The following TTBK2 variants were observed in gnomAD, a reference collection of about 807,000 sequenced individuals.
TTBK2 encodes the protein tau-tubulin kinase 2.
Under a neutral mutation model 110.8 loss-of-function variants are expected in TTBK2, and 28 were observed. The ratio of observed to expected loss-of-function variants is 0.25; its 90% CI spans 0.19 to 0.35. TTBK2 has a LOEUF of 0.35. TTBK2 is among the 10% of genes least tolerant of loss of function. TTBK2 has a pLI of 1.00. For missense variants in TTBK2, 1,369 were observed against 1,500.3 expected (o/e 0.91, Z 1.45); for synonymous variants, 532 against 527.3 (o/e 1.01, Z -0.12).
chr15:42,770,321 A>G (rs990572182), intron 13 of TTBK2, among the ~76,000 whole-genome samples: 4 of 152,180 alleles, frequency 2.6e-5, no homozygotes, highest in African/African-American at 4.8e-5. Flanking sequence ...CACAGCACCT[A>G]TAACACTTAA....
chr15:42,914,338 T>C (rs1019511684), intron 1 of TTBK2, among the ~76,000 whole-genome samples: 1 of 152,100 alleles, frequency 6.6e-6, no homozygotes, highest in Non-Finnish European at 1.5e-5. Context: ...TATATCCTAA[T>C]ATATTATATC....
chr15:42,767,975 C>T (rs1359413656), intron 13 of TTBK2, among the ~76,000 whole-genome samples: 2 of 152,176 alleles, frequency 1.3e-5, no homozygotes, highest in African/African-American at 4.8e-5. Flanking sequence ...AATTAATAAA[C>T]ATAATTCATC....
chr15:42,810,885 C>G (rs979699758), intron 8 of TTBK2, 146 bp from the exon 9 acceptor site: 1 of 899,698 alleles, frequency 1.1e-6, no homozygotes, highest in Non-Finnish European at 1.7e-6. Context: ...CTCTTACTAA[C>G]AGCTTAATGT....
chr15:42,835,314 C>G (rs1892944001), intron 4 of TTBK2, among the ~76,000 whole-genome samples: 1 of 152,118 alleles, frequency 6.6e-6, no homozygotes, highest in Admixed American at 6.5e-5. Flanking sequence ...TGATGTGATT[C>G]AAGAGGAAGC....
At chr15:42,787,170 C>G (rs1249064002) in intron 10 of TTBK2, among the ~76,000 whole-genome samples, 1 of 152,112 alleles carries the variant, frequency 6.6e-6, no homozygotes, top group African/African-American at 2.4e-5. Context: ...TCAGTCTCGT[C>G]TGTTTACACG....
chr15:42,850,327 C>T (rs775945049), intron 3 of TTBK2, among the ~76,000 whole-genome samples: 1 of 152,198 alleles, frequency 6.6e-6, no homozygotes, highest in Non-Finnish European at 1.5e-5. Flanking sequence ...TCAATGCTCA[C>T]TTCCAAGTTG....
At chr15:42,868,695 C>CA (rs777884907) in intron 3 of TTBK2, among the ~76,000 whole-genome samples, 1,559 of 86,038 alleles carry the variant, frequency 0.018, 27 homozygotes, top group African/African-American at 0.056. Flanking sequence ...TACATCTCTA[C>CA]AAAAAAAAAA....
chr15:42,894,664 G>A (rs1895596071), intron 1 of TTBK2, among the ~76,000 whole-genome samples: 1 of 152,110 alleles, frequency 6.6e-6, no homozygotes, highest in Non-Finnish European at 1.5e-5. Context: ...AAAGTGGGAA[G>A]ATCACCTGAG....
In TTBK2 at chr15:42,778,510, A is replaced by C. The variant is rs952123465; in HGVS notation, c.1198-1268T>G. On this transcript the variant is annotated intron_variant, in intron 11 of 14. Transcript: ENST00000267890. The stretch of plus-strand genomic sequence containing the variant: ...AAAACCCCATCTCTACTAAAAATAC[A>C]AAACAAAATTAGCTGGGCATGGTGG... Among the ~76,000 whole-genome samples, 8 of 152,166 alleles carry C rather than the reference A, an allele frequency of 5.3e-5. No individual in the cohort carries two copies. In the South Asian group the frequency reaches 1.7e-3, roughly 32 times the overall value.
chr15:42,872,098 G>A (rs370338508), intron 3 of TTBK2, among the ~76,000 whole-genome samples: 2 of 152,040 alleles, frequency 1.3e-5, no homozygotes, highest in East Asian at 3.8e-4. Context: ...GTAGTAAAAC[G>A]GACTTCAAAA....
chr15:42,823,317 G>T (rs1892388618), intron 6 of TTBK2, among the ~76,000 whole-genome samples: 1 of 152,148 alleles, frequency 6.6e-6, no homozygotes, highest in African/African-American at 2.4e-5. Flanking sequence ...TAGGTAAACA[G>T]AAGTTCAACT....
At position 42,817,174 on chromosome 15, in the gene TTBK2, A is replaced by C. The variant is rs1892073885; in HGVS notation, c.538-77T>G. 1.3e-5 allele frequency: 16 copies of C among 1,218,740 alleles called. No individual in the cohort carries two copies. In the South Asian group the frequency reaches 2.4e-4, roughly 18 times the overall value. The allele number at this position is 1,218,740 out of a possible 1,614,324, so 75.5% of individuals were successfully genotyped here. ...TTCAGCACACTTGAACCATGAAGTA[A>C]ATGGAAGAAACACGTCCTTTATTGT... is the stretch of plus-strand genomic sequence containing the variant. On this transcript the variant is annotated intron_variant, in intron 6 of 14. Coordinates refer to ENST00000267890, the MANE Select transcript of TTBK2 (RefSeq NM_173500.4).
rs541129278 is a variant in TTBK2 at position 42,868,909 on chromosome 15, C to T, written c.217+3702G>A. Among the ~76,000 whole-genome samples the T allele has an allele frequency of 5.3e-5, 8 of 151,324 alleles. No individual in the cohort carries two copies. The South Asian group carries it at 1.5e-3, about 28-fold the overall frequency. On this transcript the variant is annotated intron_variant, in intron 3 of 14. Coordinates refer to ENST00000267890, the MANE Select transcript of TTBK2 (RefSeq NM_173500.4). Reference sequence around the variant, plus strand: ...AATAAATAAATAAATAAAAGATGTGCCTGTCTTACTTCAGGATTCTACATG... The same window carrying T: ...AATAAATAAATAAATAAAAGATGTGTCTGTCTTACTTCAGGATTCTACATG...
chr15:42,812,649 A>G (rs1891773114), intron 7 of TTBK2, among the ~76,000 whole-genome samples: 1 of 152,226 alleles, frequency 6.6e-6, no homozygotes, highest in South Asian at 2.1e-4. Flanking sequence ...AAGAAGCTAC[A>G]AAGAGTAGAA....
chr15:42,878,941 T>C (rs1017992035), intron 1 of TTBK2, among the ~76,000 whole-genome samples: 5 of 152,156 alleles, frequency 3.3e-5, no homozygotes, highest in African/African-American at 1.2e-4. Context: ...ATAACTGAGA[T>C]TGTTAGATTA....
At chr15:42,851,722 A>G (rs1421266105) in intron 3 of TTBK2, among the ~76,000 whole-genome samples, 1 of 152,134 alleles carries the variant, frequency 6.6e-6, no homozygotes, top group East Asian at 1.9e-4. Flanking sequence ...CTATACATAG[A>G]TATATAGAGC....
chr15:42,785,867 C>G (rs1890391595), intron 10 of TTBK2, among the ~76,000 whole-genome samples: 1 of 152,040 alleles, frequency 6.6e-6, no homozygotes, highest in African/African-American at 2.4e-5. Context: ...TATACTGACT[C>G]CTGTAATTAC....
intron 5 of TTBK2, among the ~76,000 whole-genome samples, chr15:42,828,404 C>T (rs923013640): frequency 1.9e-4 from 29 of 151,356 alleles, no homozygotes; most frequent in Admixed American, 1.3e-4. Flanking sequence ...AAAAAAACCC[C>T]GTAGAAATTT....
chr15:42,895,595 T>C (rs1596033896), intron 1 of TTBK2, among the ~76,000 whole-genome samples: 1 of 151,734 alleles, frequency 6.6e-6, no homozygotes, highest in Non-Finnish European at 1.5e-5. Flanking sequence ...TGGAGTGCAG[T>C]GGCAGGATCT....
Sources: allele counts gnomAD v4.1 joint callset (sites outside exome capture counted in the v4.1 genomes callset), GRCh38; gene constraint gnomAD v4.1.1; transcripts MANE v1.5; gene names NCBI Gene and HGNC (gene_info 2026-07-23, HGNC 2026-07-21).